The following CCNI variants were observed in gnomAD, a reference collection of about 807,000 sequenced individuals.
CCNI encodes cyclin-I.
A neutral mutation model predicts 34.1 loss-of-function variants in CCNI; 14 were observed. The ratio of observed to expected loss-of-function variants is 0.41; its 90% CI spans 0.27 to 0.64. CCNI has a LOEUF of 0.64. Among genes scored for constraint, CCNI ranks in the 30% least tolerant of loss-of-function variants. The pLI is 0.31. For synonymous variants in CCNI, 154 were observed against 158.4 expected (o/e 0.97, Z 0.21); for missense variants, 385 against 440.5 (o/e 0.87, Z 1.13).
intron 1 of CCNI, 88 bp downstream of exon 1, chr4:77,075,384 G>A (rs1362128639): frequency 2.4e-6 from 1 of 423,610 alleles, no homozygotes; most frequent in Admixed American, 6.5e-5. Context: ...CTGCCACGGG[G>A]GCGGCGCGGG....
At chr4:77,053,490 A>C (rs1235923193) in intron 6 of CCNI, among the ~76,000 whole-genome samples, 1 of 152,222 alleles carries the variant, frequency 6.6e-6, no homozygotes. Flanking sequence ...AGCACCAGAA[A>C]ACTTACAAAA....
chr4:77,057,361 G>C (rs1190130431), intron 3 of CCNI, among the ~76,000 whole-genome samples: 1 of 152,138 alleles, frequency 6.6e-6, no homozygotes, highest in African/African-American at 2.4e-5. Flanking sequence ...GGAACAATTA[G>C]AGAATTTTGC....
chr4:77,073,919 ACTAC>A (rs1729682093), intron 1 of CCNI, among the ~76,000 whole-genome samples: 1 of 152,208 alleles, frequency 6.6e-6, no homozygotes, highest in African/African-American at 2.4e-5. Flanking sequence ...TTACTATTTG[ACTAC>A]CTATTGTTCA....
chr4:77,049,697 A>G (rs965652811), intron 6 of CCNI, among the ~76,000 whole-genome samples: 1 of 150,818 alleles, frequency 6.6e-6, no homozygotes, highest in Non-Finnish European at 1.5e-5. Flanking sequence ...AAAAAAAAAA[A>G]GACACTAAAA....
chr4:77,068,782 C>CTGGAAAAAGCAAAAAATAGCAA (rs1158861513), intron 1 of CCNI, among the ~76,000 whole-genome samples: 1 of 151,830 alleles, frequency 6.6e-6, no homozygotes, highest in African/African-American at 2.4e-5. Context: ...AATAGCAAAC[C>CTGGAAAAAGCAAAAAATAGCAA]ACTTCTTTAA....
chr4:77,056,766 T>C (rs922607046), intron 3 of CCNI, among the ~76,000 whole-genome samples: 2 of 151,998 alleles, frequency 1.3e-5, no homozygotes, highest in African/African-American at 4.8e-5. Context: ...TTTTTTTTTG[T>C]ATTTTTAGTA....
rs187338382 is a variant in CCNI at position 77,068,717 on chromosome 4, T to C, written c.-43-2312A>G. Among the ~76,000 whole-genome samples the C allele has an allele frequency of 5.4e-3, 821 of 152,236 alleles. 1 individual carries two copies. Among genetic ancestry groups the C allele is most frequent in the Non-Finnish European group, 9.0e-3 (611 of 67,998 alleles). On this transcript the variant is annotated intron_variant, in intron 1 of 6. Coordinates refer to ENST00000237654, the MANE Select transcript of CCNI (RefSeq NM_006835.3). Reference sequence around the variant, plus strand: ...TAAGAATTTTTTTAAATATCCAGAATTAACATGTAAAAAGTTCCAATTTTT... The same window carrying C: ...TAAGAATTTTTTTAAATATCCAGAACTAACATGTAAAAAGTTCCAATTTTT...
In CCNI at chr4:77,066,258, A is replaced by G. The variant is rs1394974758; in HGVS notation, c.105T>C (p.Pro35=). 4 of 1,613,712 alleles carry G rather than the reference A, an allele frequency of 2.5e-6. No homozygotes were observed. The highest frequency in any genetic ancestry group is 3.3e-4 in the Middle Eastern group (2 of 6,082). The part of the protein sequence containing the change: ...QMWKVNVRKM[P]SNQNVSPSQR... ...AGAGAAAAATCATTACCTGATTTGA[A>G]GGCATTTTCCGCACATTCACTTTCC... Residue 35 remains proline (P), a synonymous_variant, in exon 2 of 7, where the codon CCT becomes CCC. Transcript: ENST00000237654.
In CCNI at chr4:77,066,236, G is replaced by C. The variant is rs749351883; in HGVS notation, c.114+13C>G. On this transcript the variant is annotated intron_variant, in intron 2 of 6. Transcript: ENST00000237654. ...CTAATAAAATTCATCTGTCTTAAGA[G>C]AAAAATCATTACCTGATTTGAAGGC... The C allele has an allele frequency of 1.9e-5, 30 of 1,607,440 alleles. 1 individual carries two copies. The South Asian group carries it at 3.3e-4, about 18-fold the overall frequency.
chr4:77,060,155 T>C (rs550143493), intron 2 of CCNI, among the ~76,000 whole-genome samples: 2 of 151,950 alleles, frequency 1.3e-5, no homozygotes, highest in African/African-American at 2.4e-5. Context: ...TATTTGGTGT[T>C]TGGCATTAAA....
chr4:77,049,057 G>A (rs1463880393), intron 6 of CCNI, among the ~76,000 whole-genome samples: 1 of 141,522 alleles, frequency 7.1e-6, no homozygotes, highest in Non-Finnish European at 1.5e-5. Context: ...TTTTTCAGTG[G>A]AGTCCAAAGT....
chr4:77,055,356 T>A lies in CCNI; in HGVS notation c.484A>T (p.Arg162Trp). ...HIFHAIAVST[R>W]PQLLFSLPKL... Reference sequence around the variant, plus strand: ...GGCAAACTGAAAAGTAACTGAGGCCTAGTTGACACTGCAATGGCATGGAAC... The same window carrying A: ...GGCAAACTGAAAAGTAACTGAGGCCAAGTTGACACTGCAATGGCATGGAAC... The change falls in exon 6 of 7, where the codon AGG becomes TGG. Residue 162 changes from arginine to tryptophan, a missense_variant. Arg to Trp is a moderately radical substitution (Grantham distance 101). This residue lies in a region of CCNI where 135 missense variants were observed against 191.8 expected (regional missense o/e 0.70). Transcript: ENST00000237654. The A allele has an allele frequency of 6.2e-7, 1 of 1,613,468 alleles. No individual in the cohort carries two copies. The highest frequency in any genetic ancestry group is 1.1e-5 in the South Asian group (1 of 91,056).
At chr4:77,056,973 C>G (rs973893453) in intron 3 of CCNI, among the ~76,000 whole-genome samples, 1 of 152,096 alleles carries the variant, frequency 6.6e-6, no homozygotes, top group African/African-American at 2.4e-5. Context: ...AAAGTTCAAC[C>G]AAAGCCAATT....
intron 2 of CCNI, among the ~76,000 whole-genome samples, chr4:77,062,335 G>A (rs1278486587): frequency 6.6e-6 from 1 of 152,218 alleles, no homozygotes; most frequent in African/African-American, 2.4e-5. Flanking sequence ...AGGGGGCCAA[G>A]GCAGGAAAAC....
intron 2 of CCNI, among the ~76,000 whole-genome samples, chr4:77,059,739 G>T (rs141469296): frequency 6.6e-6 from 1 of 152,116 alleles, no homozygotes; most frequent in East Asian, 1.9e-4. Context: ...CTGTAATTCT[G>T]TATCCAGGCT....
chr4:77,047,456 G>A lies in CCNI; in HGVS notation c.*763C>T, dbSNP rs960391830. On this transcript the variant is annotated 3_prime_UTR_variant, in exon 7 of 7. Transcript: ENST00000237654. ...TATCAGTTAGAAAAATCTAATTTAA[G>A]TTGTTAATACATGTTTCTTTGGTGA... 5.3e-5 allele frequency: 8 copies of A among 151,796 alleles called. No homozygotes were observed. The highest frequency in any genetic ancestry group is 1.7e-4 in the African/African-American group (7 of 41,194). 9.4% of individuals were successfully genotyped at this position (151,796 alleles called of 1,614,324 possible).
intron 2 of CCNI, among the ~76,000 whole-genome samples, chr4:77,059,232 T>C (rs1329568535): frequency 6.6e-6 from 1 of 152,086 alleles, no homozygotes; most frequent in Non-Finnish European, 1.5e-5. Context: ...CAAAACATTA[T>C]TGTTTTATTG....
chr4:77,048,702 T>C (rs769429188), intron 6 of CCNI, 40 bp from the exon 7 acceptor site: 24 of 1,439,798 alleles, frequency 1.7e-5, no homozygotes, highest in East Asian at 2.3e-5. Flanking sequence ...CAGTTGATCA[T>C]TAATTAACAT....
chr4:77,052,600 C>T (rs1727942090), intron 6 of CCNI, among the ~76,000 whole-genome samples: 1 of 152,134 alleles, frequency 6.6e-6, no homozygotes, highest in Admixed American at 6.5e-5. Context: ...AGAGTGGCCT[C>T]CTCACAGCAC....
Sources: gnomAD v4.1 joint callset for allele counts (sites outside exome capture counted in the v4.1 genomes callset) on GRCh38, gnomAD v4.1.1 for gene constraint, gnomAD v4.1.1 regional missense constraint, MANE v1.5 for transcripts, NCBI Gene and HGNC (gene_info 2026-07-23, HGNC 2026-07-21) for gene names.